Variants in DAB1 observed in about 807,000 individuals in gnomAD.
DAB1 encodes DAB adaptor protein 1.
A neutral mutation model predicts 64.6 loss-of-function variants in DAB1; 15 were observed. The ratio of observed to expected loss-of-function variants is 0.23; its 90% CI spans 0.16 to 0.36. The LOEUF (loss-of-function observed/expected upper bound fraction) is 0.36. DAB1 is among the 10% of genes least tolerant of loss of function. The probability of loss-of-function intolerance (pLI) is 1.00; values close to 1 mark genes in which losing one functional copy is unlikely to be tolerated. For synonymous variants in DAB1, 235 were observed against 251.9 expected, an observed-to-expected ratio of 0.93 and a Z score of 0.64; for missense variants, 596 against 706.7, an observed-to-expected ratio of 0.84 and a Z score of 1.78.
At chr1:57,092,909 T>TAGGCAAAAATGTAG (rs1653824367) in intron 4 of DAB1, among the ~76,000 whole-genome samples, 1 of 152,176 alleles carries the variant, frequency 6.6e-6, no homozygotes, top group Non-Finnish European at 1.5e-5. Context: ...TTTCCAGGCC[T>TAGGCAAAAATGTAG]TCCTTTTCTA....
chr1:57,650,782 C>T (rs2101654639), intron 6 of DAB1, among the ~76,000 whole-genome samples: 1 of 152,260 alleles, frequency 6.6e-6, no homozygotes, highest in South Asian at 2.1e-4. Flanking sequence ...TTGGGGACTC[C>T]CTATTCCCCA....
intron 4 of DAB1, among the ~76,000 whole-genome samples, chr1:58,339,573 G>C (rs370844345): frequency 1.3e-5 from 2 of 152,084 alleles, no homozygotes; most frequent in Non-Finnish European, 2.9e-5. Context: ...AAAGGCTCAG[G>C]GGAAAGAGAG....
intron 2 of DAB1, among the ~76,000 whole-genome samples, chr1:57,274,233 C>G (rs1239041186): frequency 1.3e-5 from 2 of 152,164 alleles, no homozygotes; most frequent in Non-Finnish European, 2.9e-5. Context: ...AGAAGGCTTT[C>G]CAACCTGTCA....
At chr1:57,834,491 T>C (rs940721297) in intron 1 of DAB1, among the ~76,000 whole-genome samples, 2 of 152,174 alleles carry the variant, frequency 1.3e-5, no homozygotes, top group Non-Finnish European at 2.9e-5. Flanking sequence ...CTAGGTTATG[T>C]ATACCAAAGC....
intron 7 of DAB1, among the ~76,000 whole-genome samples, chr1:57,449,824 C>T (rs1686285015): frequency 6.6e-6 from 1 of 152,066 alleles, no homozygotes; most frequent in Admixed American, 6.6e-5. Flanking sequence ...TATCTTTATC[C>T]AGTTTATGAA....
At chr1:58,059,947 A>C (rs1648384432) in intron 5 of DAB1, among the ~76,000 whole-genome samples, 1 of 152,162 alleles carries the variant, frequency 6.6e-6, no homozygotes, top group Non-Finnish European at 1.5e-5. Context: ...CTGTGCTGGA[A>C]CTTCCTGGGA....
chr1:58,126,739 G>A (rs1235184467), intron 5 of DAB1, among the ~76,000 whole-genome samples: 4 of 151,764 alleles, frequency 2.6e-5, no homozygotes, highest in Non-Finnish European at 4.4e-5. Flanking sequence ...ATAGTTTACT[G>A]AGAATGATGA....
chr1:57,461,279 C>T (rs1428044180), intron 7 of DAB1, among the ~76,000 whole-genome samples: 1 of 152,216 alleles, frequency 6.6e-6, no homozygotes, highest in African/African-American at 2.4e-5. Flanking sequence ...AATTTTCCCT[C>T]TTCCATCACT....
Position 58,207,272 on chromosome 1 carries a change from C to T in DAB1, n.310-56684G>A, listed in dbSNP as rs1658328862. 2.0e-5 allele frequency among the ~76,000 whole-genome samples: 3 copies of T among 152,306 alleles called. No homozygotes were observed. In the South Asian group the frequency reaches 6.2e-4, roughly 32 times the overall value. ...TGGCTTGTTATGCAGCAATAGCTAA[C>T]TGGTACAGCGGTTTTCAAATGTAGT... On this transcript the variant is annotated intron_variant and non_coding_transcript_variant, in intron 4 of 20. Transcript: ENST00000485760.
At chr1:57,117,284 T>C (rs938072102) in intron 4 of DAB1, among the ~76,000 whole-genome samples, 3 of 152,204 alleles carry the variant, frequency 2.0e-5, no homozygotes, top group Non-Finnish European at 4.4e-5. Context: ...ATAAACATAC[T>C]GACTAATATT....
chr1:57,632,008 CA>C (rs2101629366), intron 7 of DAB1, among the ~76,000 whole-genome samples: 1 of 152,298 alleles, frequency 6.6e-6, no homozygotes, highest in African/African-American at 2.4e-5. Flanking sequence ...TCAGGCACAA[CA>C]AATATTCCAT....
intron 9 of DAB1, among the ~76,000 whole-genome samples, chr1:57,044,645 T>A (rs1335461190): frequency 6.6e-6 from 1 of 152,198 alleles, no homozygotes; most frequent in East Asian, 1.9e-4. Flanking sequence ...GAAAGTGTCT[T>A]TACTCACACG....
At position 57,117,220 on chromosome 1, in the gene DAB1, G is replaced by A. The variant is rs114004406; in HGVS notation, c.306+19323C>T. Among the ~76,000 whole-genome samples, 555 of 152,288 alleles carry A rather than the reference G, an allele frequency of 3.6e-3. 8 individuals are homozygous for A. Among genetic ancestry groups the A allele is most frequent in the Admixed American group, 0.016 (250 of 15,292 alleles). ...GAAAATGTACTGCATATAAAAAAGC[G>A]CTTTTCAATTGGCAAGGACAAAGGA... On this transcript the variant is annotated intron_variant, in intron 4 of 14. Coordinates refer to ENST00000371236, the MANE Select transcript of DAB1 (RefSeq NM_001365792.1).
intron 1 of DAB1, among the ~76,000 whole-genome samples, chr1:57,387,976 C>A (rs969317319): frequency 6.6e-6 from 1 of 152,144 alleles, no homozygotes; most frequent in African/African-American, 2.4e-5. Context: ...TGTCTTCTTC[C>A]TCCACTCTTT....
chr1:57,363,543 C>T (rs1335813529), intron 1 of DAB1, among the ~76,000 whole-genome samples: 1 of 152,194 alleles, frequency 6.6e-6, no homozygotes, highest in Non-Finnish European at 1.5e-5. Context: ...TAATAGTTCT[C>T]ACCTCATAGT....
intron 4 of DAB1, among the ~76,000 whole-genome samples, chr1:58,195,582 A>G (rs1191999523): frequency 2.0e-5 from 3 of 152,186 alleles, no homozygotes; most frequent in Non-Finnish European, 4.4e-5. Context: ...CCTAAAATAG[A>G]GGTAATTTGT....
chr1:57,705,624 C>G (rs996986092), intron 6 of DAB1, among the ~76,000 whole-genome samples: 1 of 152,004 alleles, frequency 6.6e-6, no homozygotes, highest in African/African-American at 2.4e-5. Context: ...CTCTCCCTAC[C>G]CCTAAGCAAA....
intron 5 of DAB1, among the ~76,000 whole-genome samples, chr1:57,960,846 A>G (rs1645503556): frequency 6.6e-6 from 1 of 152,260 alleles, no homozygotes; most frequent in African/African-American, 2.4e-5. Flanking sequence ...AACAGACCCC[A>G]GCCTCAACCC....
chr1:58,300,037 G>A (rs1399596902), intron 4 of DAB1, among the ~76,000 whole-genome samples: 1 of 152,136 alleles, frequency 6.6e-6, no homozygotes, highest in Non-Finnish European at 1.5e-5. Flanking sequence ...CTAAAAGAAA[G>A]GGTCACGTTT....
Sources: gnomAD v4.1 joint callset for allele counts (sites outside exome capture counted in the v4.1 genomes callset) on GRCh38, gnomAD v4.1.1 for gene constraint, MANE v1.5 for transcripts, NCBI Gene and HGNC (gene_info 2026-07-23, HGNC 2026-07-21) for gene names.